SORCS2: variants seen among roughly 807,000 people sequenced by gnomAD.
SORCS2 encodes the protein VPS10 domain-containing receptor SorCS2.
In SORCS2, 100 loss-of-function variants were observed where a neutral mutation model predicts 141.6. That is an observed-to-expected ratio of 0.71 (90% CI 0.60 to 0.83). The LOEUF (loss-of-function observed/expected upper bound fraction) is 0.83. Ranked by LOEUF, SORCS2 falls within the 40% of genes least tolerant of loss-of-function variation. The pLI is 0.00. For synonymous variants in SORCS2, 789 were observed against 676.9 expected, an observed-to-expected ratio of 1.17 and a Z score of -2.57; for missense variants, 1,646 against 1,560.2, an observed-to-expected ratio of 1.05 and a Z score of -0.93.
chr4:7,685,361 G>A (rs573411757), intron 10 of SORCS2, among the ~76,000 whole-genome samples: 2 of 152,272 alleles, frequency 1.3e-5, no homozygotes, highest in Non-Finnish European at 2.9e-5. Context: ...GCCCACGTGG[G>A]TACAACAGAC....
rs549367898 is a variant in SORCS2 at position 7,742,790 on chromosome 4, G to A, written c.*2526G>A. On this transcript the variant is annotated 3_prime_UTR_variant, in exon 27 of 27. Coordinates refer to ENST00000507866, the MANE Select transcript of SORCS2 (RefSeq NM_020777.3). The stretch of plus-strand genomic sequence containing the variant: ...CTTTTTAAAAATCGATGAATCATTT[G>A]TGATGCTTTTAACAAAGATTAAATG... 28 of 152,644 alleles carry A rather than the reference G, an allele frequency of 1.8e-4. No individual in the cohort carries two copies. Among genetic ancestry groups the A allele is most frequent in the African/African-American group, 6.7e-4 (28 of 41,584 alleles). 9.5% of individuals were successfully genotyped at this position (152,644 alleles called of 1,614,324 possible).
intron 1 of SORCS2, among the ~76,000 whole-genome samples, chr4:7,378,772 G>A (rs1001354470): frequency 2.6e-5 from 4 of 152,102 alleles, no homozygotes; most frequent in African/African-American, 9.7e-5. Context: ...TCTCCACCCT[G>A]CCCACCTCCC....
At chr4:7,199,214 G>A (rs1727350124) in intron 1 of SORCS2, among the ~76,000 whole-genome samples, 1 of 152,230 alleles carries the variant, frequency 6.6e-6, no homozygotes, top group South Asian at 2.1e-4. Context: ...AGTGGGATGG[G>A]CTCCTTCTCT....
intron 1 of SORCS2, among the ~76,000 whole-genome samples, chr4:7,385,541 A>C (rs996476513): frequency 6.6e-6 from 1 of 152,168 alleles, no homozygotes; most frequent in Non-Finnish European, 1.5e-5. Flanking sequence ...GTTTGAGTCC[A>C]TCACAGCTGG....
intron 2 of SORCS2, among the ~76,000 whole-genome samples, chr4:7,423,225 T>C (rs112378506): frequency 0.03 from 4,524 of 152,268 alleles, 202 homozygotes; most frequent in African/African-American, 0.1. Context: ...AGGCCTTAAA[T>C]GCATTATTGC....
At chr4:7,283,188 C>T (rs1000999169) in intron 1 of SORCS2, among the ~76,000 whole-genome samples, 10 of 152,190 alleles carry the variant, frequency 6.6e-5, no homozygotes, top group African/African-American at 2.2e-4. Context: ...CTTTGGGCTT[C>T]GTGTCCAGTG....
intron 22 of SORCS2, 38 bp downstream of exon 22, chr4:7,728,500 G>T (rs771268756): frequency 6.7e-7 from 1 of 1,491,032 alleles, no homozygotes; most frequent in East Asian, 2.4e-5. Context: ...CAGCCCCACG[G>T]TGCTTCCGGC....
At chr4:7,621,162 C>A (rs561102955) in intron 3 of SORCS2, among the ~76,000 whole-genome samples, 2 of 152,278 alleles carry the variant, frequency 1.3e-5, no homozygotes, top group East Asian at 1.9e-4. Context: ...CCAGGCCCAG[C>A]GGAGATGTGG....
chr4:7,422,047 G>A (rs1039688421), intron 2 of SORCS2, among the ~76,000 whole-genome samples: 15 of 152,252 alleles, frequency 9.9e-5, no homozygotes, highest in South Asian at 4.2e-4. Context: ...CAGCCTGGTC[G>A]GTGCCCCCTT....
Position 7,723,796 on chromosome 4 carries a change from T to G in SORCS2, c.2524T>G (p.Tyr842Asp). ...GACCGGGGAGCCCATCCGGCACCGC[T>G]ACGAGAGCCCCGGCATCTACCGCGT... ...TLTGEPIRHR[Y>D]ESPGIYRVSV... The change falls in exon 19 of 27, where the codon TAC becomes GAC. Residue 842 changes from tyrosine to aspartate, a missense_variant. Transcript: ENST00000507866. 2 of 1,613,842 alleles carry G rather than the reference T, an allele frequency of 1.2e-6. No homozygotes were observed. Among genetic ancestry groups the G allele is most frequent in the Non-Finnish European group, 1.7e-6 (2 of 1,179,888 alleles).
chr4:7,275,612 C>T (rs1436814464), intron 1 of SORCS2, among the ~76,000 whole-genome samples: 2 of 152,192 alleles, frequency 1.3e-5, no homozygotes, highest in Non-Finnish European at 2.9e-5. Flanking sequence ...TCAGCTGTCA[C>T]TTCCTGTTGC....
Position 7,740,637 on chromosome 4 carries a change from G to T in SORCS2, c.*373G>T. ...AGTACCTCGGGCTGCAAGAGCTGCA[G>T]ACCCGTTCAGACACTGCGTTGCGGG... On this transcript the variant is annotated 3_prime_UTR_variant, in exon 27 of 27. Transcript: ENST00000507866. The T allele has an allele frequency of 3.1e-6, 1 of 323,614 alleles. No homozygotes were observed. The highest frequency in any genetic ancestry group is 5.9e-5 in the South Asian group (1 of 16,834). The allele number at this position is 323,614 out of a possible 1,614,324, so 20.0% of individuals were successfully genotyped here.
At chr4:7,568,715 G>A (rs1173464983) in intron 3 of SORCS2, among the ~76,000 whole-genome samples, 1 of 152,180 alleles carries the variant, frequency 6.6e-6, no homozygotes, top group Non-Finnish European at 1.5e-5. Flanking sequence ...ATCCCACCAG[G>A]TTCCTGTGAG....
At chr4:7,731,182 C>G (rs2148894089) in intron 23 of SORCS2, among the ~76,000 whole-genome samples, 1 of 152,214 alleles carries the variant, frequency 6.6e-6, no homozygotes, top group East Asian at 1.9e-4. Context: ...AAATTAAAAG[C>G]AGAATAAACT....
At chr4:7,653,996 C>T (rs919142247) in intron 4 of SORCS2, 138 bp from the exon 5 acceptor site, 1 of 800,030 alleles carries the variant, frequency 1.2e-6, no homozygotes, top group Non-Finnish European at 2.0e-6. Flanking sequence ...CCAGCATGAG[C>T]ACAGCGCCTC....
At chr4:7,570,137 G>C (rs1212100754) in intron 3 of SORCS2, among the ~76,000 whole-genome samples, 1 of 152,336 alleles carries the variant, frequency 6.6e-6, no homozygotes, top group Middle Eastern at 3.4e-3. Context: ...GGAGAGGGGA[G>C]CGAGGAGATT....
At chr4:7,690,069 T>C (rs1162747466) in intron 11 of SORCS2, among the ~76,000 whole-genome samples, 1 of 139,000 alleles carries the variant, frequency 7.2e-6, no homozygotes, top group African/African-American at 2.7e-5. Flanking sequence ...GATGGATGGA[T>C]AGATGAATGG....
intron 1 of SORCS2, among the ~76,000 whole-genome samples, chr4:7,394,337 G>A (rs1462219022): frequency 6.6e-6 from 1 of 151,534 alleles, no homozygotes; most frequent in Admixed American, 6.6e-5. Context: ...ACCCTTAACA[G>A]TTTATCCCTC....
intron 1 of SORCS2, among the ~76,000 whole-genome samples, chr4:7,377,464 C>T (rs1215486866): frequency 6.6e-6 from 1 of 152,234 alleles, no homozygotes; most frequent in Non-Finnish European, 1.5e-5. Flanking sequence ...ACATTCATCA[C>T]TTCAGCTTCC....
Sources: gnomAD v4.1 joint callset for allele counts (sites outside exome capture counted in the v4.1 genomes callset) on GRCh38, gnomAD v4.1.1 for gene constraint, MANE v1.5 for transcripts, NCBI Gene and HGNC (gene_info 2026-07-23, HGNC 2026-07-21) for gene names.